The following ACOX3 variants were observed in gnomAD, a reference collection of about 807,000 sequenced individuals.
ACOX3 encodes acyl-CoA oxidase 3, pristanoyl.
ACOX3 carries 73 observed loss-of-function variants against 81.5 expected under a neutral mutation model. The observed-to-expected ratio is 0.90, with a 90% CI of 0.74 to 1.09. ACOX3 has a LOEUF of 1.09. ACOX3 is among the 50% of genes least tolerant of loss of function. ACOX3 has a pLI of 0.00. For synonymous variants in ACOX3, 387 were observed against 375.1 expected, an observed-to-expected ratio of 1.03 and a Z score of -0.37; for missense variants, 947 against 928.0, an observed-to-expected ratio of 1.02 and a Z score of -0.27.
At chr4:8,424,689 C>T (rs1379949091) in intron 1 of ACOX3, among the ~76,000 whole-genome samples, 1 of 152,232 alleles carries the variant, frequency 6.6e-6, no homozygotes, top group Admixed American at 6.5e-5. Flanking sequence ...TGCGACTGCG[C>T]ACTCGTGCAA....
intron 14 of ACOX3, among the ~76,000 whole-genome samples, chr4:8,378,307 T>C (rs902002280): frequency 1.8e-4 from 28 of 152,242 alleles, no homozygotes; most frequent in African/African-American, 6.8e-4. Context: ...CTGGGGGACC[T>C]TGGGCATTTC....
At chr4:8,375,273 G>T in intron 14 of ACOX3, 121 bp from the exon 15 acceptor site, 2 of 963,666 alleles carry the variant, frequency 2.1e-6, no homozygotes, top group South Asian at 1.8e-5. Context: ...TCCTAGGACA[G>T]TAACATAAGG....
At chr4:8,379,490 A>T (rs1028220588) in intron 14 of ACOX3, among the ~76,000 whole-genome samples, 4 of 152,200 alleles carry the variant, frequency 2.6e-5, no homozygotes, top group African/African-American at 9.6e-5. Context: ...CCGGATCAGA[A>T]CCCAGGACCC....
intron 1 of ACOX3, among the ~76,000 whole-genome samples, chr4:8,427,784 G>A (rs1165745468): frequency 6.6e-6 from 1 of 152,218 alleles, no homozygotes; most frequent in African/African-American, 2.4e-5. Flanking sequence ...GCCTTGCTAG[G>A]GCCCAGTGTC....
rs374348579 is a variant in ACOX3 at position 8,426,269 on chromosome 4, T to TC, written c.-14-9735dup. Among the ~76,000 whole-genome samples the TC allele has an allele frequency of 3.9e-3, 586 of 152,066 alleles. 4 individuals are homozygous for TC. Among genetic ancestry groups the TC allele is most frequent in the African/African-American group, 0.014 (569 of 41,452 alleles). ...ATTAGTCAAGTCCCTTCCCTCTAAGTCCCCACCCCTAGATACATACTGGGA... is the reference window on the plus strand; with the variant it reads ...ATTAGTCAAGTCCCTTCCCTCTAAGTCCCCCACCCCTAGATACATACTGGGA... On this transcript the variant is annotated intron_variant, in intron 1 of 17. Coordinates refer to ENST00000356406, the MANE Select transcript of ACOX3 (RefSeq NM_003501.3).
In ACOX3 at chr4:8,437,515, A is replaced by G. The variant is rs1724327535; in HGVS notation, c.-15+3133T>C. On this transcript the variant is annotated intron_variant, in intron 1 of 17. Coordinates refer to ENST00000356406, the MANE Select transcript of ACOX3 (RefSeq NM_003501.3). This position sits in a 1 kb window ranked among gnomAD's most constrained non-coding sequence, Gnocchi z 5.2. Reference sequence around the variant, plus strand: ...CCTGGCCCCGCCAGGTGGCCATAGAAGCAGGAGAACTCAGGAAGGAAAAAG... The same window carrying G: ...CCTGGCCCCGCCAGGTGGCCATAGAGGCAGGAGAACTCAGGAAGGAAAAAG... Among the ~76,000 whole-genome samples the G allele has an allele frequency of 6.6e-6, 1 of 152,108 alleles. No individual in the cohort carries two copies. Among genetic ancestry groups the G allele is most frequent in the Non-Finnish European group, 1.5e-5 (1 of 68,040 alleles).
intron 11 of ACOX3, among the ~76,000 whole-genome samples, chr4:8,391,019 A>G (rs200259708): frequency 3.2e-5 from 4 of 124,288 alleles, no homozygotes; most frequent in Admixed American, 8.7e-5. Flanking sequence ...GTATGTGTAT[A>G]TGTATATGTA....
At chr4:8,412,278 G>A (rs1721810343) in intron 5 of ACOX3, among the ~76,000 whole-genome samples, 2 of 152,270 alleles carry the variant, frequency 1.3e-5, no homozygotes, top group South Asian at 2.1e-4. Context: ...CCCCACAGCA[G>A]GGGCACCCTG....
In ACOX3 at chr4:8,385,328, A is replaced by G. The variant is rs1308612691; in HGVS notation, c.1538-3721T>C. On this transcript the variant is annotated intron_variant, in intron 13 of 17. Transcript: ENST00000356406. The surrounding 1 kb of genome is among the most constrained non-coding windows in gnomAD (Gnocchi z 5.5). Reference sequence around the variant, plus strand: ...GACTCCACCGCTCACCTGTGACCTCACTGCTCACCTCACATGACCTCACTG... The same window carrying G: ...GACTCCACCGCTCACCTGTGACCTCGCTGCTCACCTCACATGACCTCACTG... Among the ~76,000 whole-genome samples, 1 of 151,618 alleles carries G rather than the reference A, an allele frequency of 6.6e-6. No individual in the cohort carries two copies. Among genetic ancestry groups the G allele is most frequent in the Admixed American group, 6.6e-5 (1 of 15,232 alleles).
Position 8,392,391 on chromosome 4 carries a change from G to C in ACOX3, c.1242C>G (p.Thr414=), listed in dbSNP as rs774860300. The change falls in exon 11 of 18, where the codon ACC becomes ACG. Residue 414 remains threonine (T), a synonymous_variant. Transcript: ENST00000356406. Reference sequence around the variant, plus strand: ...GGCATTCCTGAATTCCTTGCTGGGTGGTCCACGAGGCCAGGGGCTTGCTGG... The same window carrying C: ...GGCATTCCTGAATTCCTTGCTGGGTCGTCCACGAGGCCAGGGGCTTGCTGG... The part of the protein sequence containing the change: ...ASASKPLASW[T]TQQGIQECRE... 1 of 1,609,396 alleles carries C rather than the reference G, an allele frequency of 6.2e-7. No individual in the cohort carries two copies. The highest frequency in any genetic ancestry group is 1.3e-5 in the African/African-American group (1 of 74,852).
At chr4:8,408,906 G>A (rs1281346047) in intron 6 of ACOX3, among the ~76,000 whole-genome samples, 1 of 105,132 alleles carries the variant, frequency 9.5e-6, no homozygotes, top group African/African-American at 3.3e-5. Context: ...GGGGGGGGTG[G>A]GGGGGGGGTG....
At chr4:8,422,290 C>T (rs948502325) in intron 1 of ACOX3, among the ~76,000 whole-genome samples, 4 of 152,144 alleles carry the variant, frequency 2.6e-5, no homozygotes, top group Non-Finnish European at 5.9e-5. Flanking sequence ...ACAGTGTACC[C>T]TATTCCTTTA....
At chr4:8,434,344 G>A (rs181216433) in intron 1 of ACOX3, among the ~76,000 whole-genome samples, 70 of 152,302 alleles carry the variant, frequency 4.6e-4, no homozygotes, top group African/African-American at 1.6e-3. Context: ...CTTTAATCCG[G>A]TGTCTGAGGA....
At chr4:8,393,137 G>GGT (rs138774011) in intron 10 of ACOX3, 1 of 143,988 alleles carries the variant, frequency 6.9e-6, no homozygotes, top group African/African-American at 2.7e-5. Context: ...TTTTTAAGGG[G>GGT]AAAAAAAAAA....
chr4:8,417,210 G>A (rs1428865555), intron 1 of ACOX3, among the ~76,000 whole-genome samples: 22 of 152,258 alleles, frequency 1.4e-4, no homozygotes, highest in Admixed American at 1.4e-3. Context: ...AGGCATTGAA[G>A]GGAATGGCTG....
Position 8,394,758 on chromosome 4 carries a change from C to A in ACOX3, c.1057-16G>T. The stretch of plus-strand genomic sequence containing the variant: ...AGCGCCATTGCTAGAACAGACAAGA[C>A]ACCTGCGTGAACACATCGTGGTTCC... On this transcript the variant is annotated splice_polypyrimidine_tract_variant and intron_variant, in intron 9 of 17. Coordinates refer to ENST00000356406, the MANE Select transcript of ACOX3 (RefSeq NM_003501.3). The surrounding 1 kb of genome is among the most constrained non-coding windows in gnomAD (Gnocchi z 5.9). 1 of 1,610,956 alleles carries A rather than the reference C, an allele frequency of 6.2e-7. No individual in the cohort carries two copies. Among genetic ancestry groups the A allele is most frequent in the East Asian group, 2.2e-5 (1 of 44,786 alleles).
At chr4:8,408,556 T>C (rs1323413280) in intron 6 of ACOX3, among the ~76,000 whole-genome samples, 3 of 152,192 alleles carry the variant, frequency 2.0e-5, no homozygotes, top group Non-Finnish European at 4.4e-5. Flanking sequence ...CGAAAGCTGC[T>C]GAATTCTAGT....
rs564485468 is a variant in ACOX3, at chr4:8,386,762, C to T, written c.1537+2411G>A. ...CTTCCTGATGACGATGCTGACGGTG[C>T]GGGCAGGGGAAGGCGCTGGGAAGCC... On this transcript the variant is annotated intron_variant, in intron 13 of 17. Transcript: ENST00000356406. The surrounding 1 kb of genome is among the most constrained non-coding windows in gnomAD (Gnocchi z 5.2). 1.1e-3 allele frequency among the ~76,000 whole-genome samples: 171 copies of T among 152,210 alleles called. 1 individual carries two copies. The highest frequency in any genetic ancestry group is 3.9e-3 in the African/African-American group (163 of 41,518).
intron 5 of ACOX3, among the ~76,000 whole-genome samples, chr4:8,413,658 G>A (rs560904221): frequency 7.0e-6 from 1 of 143,596 alleles, no homozygotes; most frequent in Admixed American, 7.0e-5. Context: ...CCACAGCACT[G>A]ACAGCCCCAG....
Sources: allele counts gnomAD v4.1 joint callset (sites outside exome capture counted in the v4.1 genomes callset), GRCh38; gene constraint gnomAD v4.1.1; non-coding constraint Gnocchi (gnomAD v3.1); transcripts MANE v1.5; gene names NCBI Gene and HGNC (gene_info 2026-07-23, HGNC 2026-07-21).